NT5C2: variants seen among roughly 807,000 people sequenced by gnomAD.
The protein encoded by NT5C2 is 5'-nucleotidase, cytosolic II, also known as cytosolic purine 5'-nucleotidase.
Under a neutral mutation model 76.1 loss-of-function variants are expected in NT5C2, and 58 were observed. The observed-to-expected ratio is 0.76, with a 90% CI of 0.62 to 0.95. The LOEUF (loss-of-function observed/expected upper bound fraction) is 0.95, where lower values mean the gene tolerates loss of function less well. Among genes scored for constraint, NT5C2 ranks in the 40% least tolerant of loss-of-function variants. The probability of loss-of-function intolerance (pLI) is 0.00; values close to 1 mark genes in which losing one functional copy is unlikely to be tolerated. For missense variants in NT5C2, 478 were observed against 690.3 expected, an observed-to-expected ratio of 0.69 and a Z score of 3.45; for synonymous variants, 229 against 237.4, an observed-to-expected ratio of 0.96 and a Z score of 0.32.
chr10:103,104,934 G>A (rs923542521), intron 6 of NT5C2, among the ~76,000 whole-genome samples: 10 of 152,144 alleles, frequency 6.6e-5, no homozygotes. Context: ...CTGTTGTTCT[G>A]ACCTTAATAC....
chr10:103,131,745 A>G (rs1194759047), intron 4 of NT5C2, among the ~76,000 whole-genome samples: 1 of 151,954 alleles, frequency 6.6e-6, no homozygotes, highest in Non-Finnish European at 1.5e-5. Context: ...ACATGGTGAA[A>G]CCCTGTCACT....
At chr10:103,137,806 A>C (rs932427817) in intron 4 of NT5C2, among the ~76,000 whole-genome samples, 4 of 152,214 alleles carry the variant, frequency 2.6e-5, no homozygotes, top group African/African-American at 9.6e-5. Context: ...GAAAGATGTT[A>C]TAACTACTGA....
intron 3 of NT5C2, among the ~76,000 whole-genome samples, chr10:103,157,428 A>T (rs1247587690): frequency 6.6e-6 from 1 of 152,202 alleles, no homozygotes; most frequent in African/African-American, 2.4e-5. Flanking sequence ...TGATGTCAGG[A>T]GCCAGGGCTT....
chr10:103,097,465 G>C (rs1268447387), intron 10 of NT5C2, 91 bp from the exon 11 acceptor site: 4 of 1,041,326 alleles, frequency 3.8e-6, no homozygotes, highest in Non-Finnish European at 5.9e-6. Context: ...GTCCACAACA[G>C]GAATGGGGGA....
intron 4 of NT5C2, among the ~76,000 whole-genome samples, chr10:103,123,847 T>G (rs1428332294): frequency 6.6e-6 from 1 of 150,648 alleles, no homozygotes; most frequent in Non-Finnish European, 1.5e-5. Flanking sequence ...CCTTCGAAAT[T>G]GGGGGGGGAA....
At position 103,089,045 on chromosome 10, in the gene NT5C2, CTG is replaced by C. The variant is rs1392193681; in HGVS notation, c.*625_*626del. On this transcript the variant is annotated 3_prime_UTR_variant, in exon 19 of 19. Coordinates refer to ENST00000404739, the MANE Select transcript of NT5C2 (RefSeq NM_001351169.2). ...AAACAAACAAAAGGTAATAAGGATA[CTG>C]TCTTTTCCCTCAAAATAGAATCCTG... 1 of 217,322 alleles carries C rather than the reference CTG, an allele frequency of 4.6e-6. No individual in the cohort carries two copies. Among genetic ancestry groups the C allele is most frequent in the Admixed American group, 5.8e-5 (1 of 17,240 alleles). The allele number at this position is 217,322 out of a possible 1,614,324, so 13.5% of individuals were successfully genotyped here.
At chr10:103,151,316 T>C (rs2082354158) in intron 3 of NT5C2, among the ~76,000 whole-genome samples, 1 of 152,010 alleles carries the variant, frequency 6.6e-6, no homozygotes, top group South Asian at 2.1e-4. Context: ...AATATAAAAT[T>C]AGCCGGGCAT....
At chr10:103,098,826 C>T in intron 10 of NT5C2, 105 bp downstream of exon 10, 3 of 821,294 alleles carry the variant, frequency 3.7e-6, no homozygotes, top group Non-Finnish European at 5.9e-6. Flanking sequence ...TATGCCAAGA[C>T]AAATCTCTTC....
At position 103,174,870 on chromosome 10, in the gene NT5C2, T is replaced by A. The variant is rs1695206822; in HGVS notation, c.89A>T (p.Glu30Val). The A allele has an allele frequency of 6.2e-7, 1 of 1,611,388 alleles. No homozygotes were observed. The highest frequency in any genetic ancestry group is 1.1e-5 in the South Asian group (1 of 91,044). ...ACAAAATACTTACCGATGATAGGCT[T>A]CTCGACGATACTTTTTCAGGGCATG... ...DKHALKKYRR[E>V]AYHRVFVNRS... Residue 30 changes from glutamate to valine, a missense_variant, in exon 3 of 19, where the codon GAA becomes GTA. Glu to Val is a moderately radical substitution (Grantham distance 121). Coordinates refer to ENST00000404739, the MANE Select transcript of NT5C2 (RefSeq NM_001351169.2).
chr10:103,176,399 G>C (rs919003433), intron 2 of NT5C2, among the ~76,000 whole-genome samples: 5 of 151,996 alleles, frequency 3.3e-5, no homozygotes, highest in Admixed American at 3.3e-4. Context: ...TTTCTTCCTC[G>C]ATTCTTTTCC....
intron 3 of NT5C2, among the ~76,000 whole-genome samples, chr10:103,155,146 A>T (rs1302879880): frequency 6.6e-6 from 1 of 152,214 alleles, no homozygotes; most frequent in Non-Finnish European, 1.5e-5. Context: ...TACAAAGATA[A>T]ACTTGGAAGT....
chr10:103,101,227 G>A lies in NT5C2; in HGVS notation c.481+8C>T, dbSNP rs773212797. On this transcript the variant is annotated splice_region_variant and intron_variant, in intron 7 of 18. Transcript: ENST00000404739. ...GCATCAGTATAAATAAGCATAGAAT[G>A]AATCTACCTGGTAGGTTGAATAGTG... The A allele has an allele frequency of 2.1e-5, 32 of 1,540,508 alleles. No homozygotes were observed. The Admixed American group carries it at 5.0e-4, about 24-fold the overall frequency.
At chr10:103,098,143 T>C in intron 10 of NT5C2, 1 of 504,478 alleles carries the variant, frequency 2.0e-6, no homozygotes, top group Non-Finnish European at 3.9e-6. Context: ...GTTTAATTTT[T>C]ATTCTAAAAC....
chr10:103,187,861 G>A (rs1314053995), intron 1 of NT5C2, among the ~76,000 whole-genome samples: 1 of 152,028 alleles, frequency 6.6e-6, no homozygotes, highest in East Asian at 1.9e-4. Context: ...AGGCAAATGA[G>A]ACAAAATAAT....
At chr10:103,137,526 G>A (rs1305118601) in intron 4 of NT5C2, among the ~76,000 whole-genome samples, 2 of 152,218 alleles carry the variant, frequency 1.3e-5, no homozygotes, top group African/African-American at 2.4e-5. Flanking sequence ...ATTCACATTT[G>A]TAGCCTAAAT....
intron 3 of NT5C2, among the ~76,000 whole-genome samples, chr10:103,147,517 T>C (rs1306645849): frequency 6.6e-6 from 1 of 152,240 alleles, no homozygotes; most frequent in Non-Finnish European, 1.5e-5. Flanking sequence ...CTGGGTCTCA[T>C]TACTTTTCTA....
At chr10:103,169,639 T>C (rs188466125) in intron 3 of NT5C2, among the ~76,000 whole-genome samples, 19 of 151,948 alleles carry the variant, frequency 1.3e-4, no homozygotes, top group African/African-American at 3.9e-4. Flanking sequence ...ATAATAATTT[T>C]AAAGCAAATT....
chr10:103,101,231 C>A lies in NT5C2; in HGVS notation c.481+4G>T. ...CAGTATAAATAAGCATAGAATGAAT[C>A]TACCTGGTAGGTTGAATAGTGTGTT... On this transcript the variant is annotated splice_donor_region_variant and intron_variant, in intron 7 of 18. Coordinates refer to ENST00000404739, the MANE Select transcript of NT5C2 (RefSeq NM_001351169.2). The A allele has an allele frequency of 6.4e-7, 1 of 1,569,198 alleles. No individual in the cohort carries two copies. The highest frequency in any genetic ancestry group is 1.1e-5 in the South Asian group (1 of 89,936).
intron 15 of NT5C2, among the ~76,000 whole-genome samples, chr10:103,092,792 A>G (rs2067242905): frequency 6.6e-6 from 1 of 152,164 alleles, no homozygotes; most frequent in African/African-American, 2.4e-5. Flanking sequence ...GTTAGCAGAG[A>G]GACTGGGACT....
Sources: gnomAD v4.1 joint callset for allele counts (sites outside exome capture counted in the v4.1 genomes callset) on GRCh38, gnomAD v4.1.1 for gene constraint, MANE v1.5 for transcripts, NCBI Gene and HGNC (gene_info 2026-07-23, HGNC 2026-07-21) for gene names.